The following SOX5 variants were observed in gnomAD, a reference collection of about 807,000 sequenced individuals.
SOX5 encodes SRY-box transcription factor 5.
Under a neutral mutation model 92.0 loss-of-function variants are expected in SOX5, and 9 were observed. The observed-to-expected ratio is 0.10, with a 90% CI of 0.06 to 0.17. SOX5 has a LOEUF of 0.17. Ranked by LOEUF, SOX5 falls within the 10% of genes least tolerant of loss-of-function variation. SOX5 has a pLI of 1.00. For synonymous variants in SOX5, 344 were observed against 336.3 expected (o/e 1.02, Z -0.25); for missense variants, 642 against 944.5 (o/e 0.68, Z 4.20).
intron 6 of SOX5, among the ~76,000 whole-genome samples, chr12:23,724,617 C>G (rs1202909850): frequency 6.6e-6 from 1 of 151,974 alleles, no homozygotes; most frequent in African/African-American, 2.4e-5. Flanking sequence ...ATTTATGTAC[C>G]TTAAACTGTT....
At chr12:24,198,139 G>A (rs1291391512) in intron 4 of SOX5, among the ~76,000 whole-genome samples, 1 of 151,898 alleles carries the variant, frequency 6.6e-6, no homozygotes, top group Non-Finnish European at 1.5e-5. Context: ...CCCATCCATC[G>A]TTCAAAACTA....
chr12:24,364,419 A>G (rs1195091276), intron 2 of SOX5, among the ~76,000 whole-genome samples: 4 of 151,188 alleles, frequency 2.6e-5, no homozygotes, highest in African/African-American at 7.3e-5. Context: ...AGAAAGGACT[A>G]CAAGAATGAC....
Position 24,440,496 on chromosome 12 carries a change from A to T in SOX5, c.-250-71857T>A, listed in dbSNP as rs184323361. ...TGGTTTCTTGCCTTCTTACCTTTGC[A>T]TGCTTAGGTCGGGTACCAGACTCTG... On this transcript the variant is annotated intron_variant, in intron 1 of 4. Coordinates refer to the SOX5 transcript ENST00000446891. 2.7e-3 allele frequency among the ~76,000 whole-genome samples: 403 copies of T among 151,848 alleles called. 15 individuals are homozygous for T. In the East Asian group the frequency reaches 0.074, roughly 28 times the overall value.
At chr12:23,975,340 CTT>C (rs201736273) in intron 4 of SOX5, among the ~76,000 whole-genome samples, 1 of 150,826 alleles carries the variant, frequency 6.6e-6, no homozygotes, top group African/African-American at 2.4e-5. Context: ...ATATGATATA[CTT>C]TTTTTAAAAA....
intron 4 of SOX5, among the ~76,000 whole-genome samples, chr12:24,096,529 C>T (rs1014489039): frequency 1.3e-5 from 2 of 152,078 alleles, no homozygotes; most frequent in African/African-American, 4.8e-5. Flanking sequence ...CTCTAGATAC[C>T]TTATATAAAT....
intron 10 of SOX5, among the ~76,000 whole-genome samples, chr12:23,571,305 T>C (rs1198499207): frequency 6.6e-6 from 1 of 152,148 alleles, no homozygotes; most frequent in Non-Finnish European, 1.5e-5. Context: ...CCCTTTGTTT[T>C]ACTGGGTCAA....
chr12:24,537,351 A>C (rs1951731575), intron 1 of SOX5, among the ~76,000 whole-genome samples: 1 of 152,182 alleles, frequency 6.6e-6, no homozygotes, highest in Non-Finnish European at 1.5e-5. Flanking sequence ...TGAGTATCTA[A>C]AATTTGAAGG....
At chr12:24,403,673 T>C (rs78003505) in intron 1 of SOX5, among the ~76,000 whole-genome samples, 8,998 of 152,316 alleles carry the variant, frequency 0.059, 387 homozygotes, top group Middle Eastern at 0.092. Context: ...CTTATTTACA[T>C]GGCCAACAGT....
chr12:23,836,572 C>T (rs1382964181), intron 3 of SOX5, among the ~76,000 whole-genome samples: 2 of 151,984 alleles, frequency 1.3e-5, no homozygotes, highest in Non-Finnish European at 2.9e-5. Context: ...CAGTGGCCTC[C>T]TTTTGTATGG....
chr12:24,243,811 T>C (rs1243061696), intron 3 of SOX5, among the ~76,000 whole-genome samples: 1 of 152,118 alleles, frequency 6.6e-6, no homozygotes. Context: ...CCAATACTAA[T>C]TCAATAAAGT....
chr12:23,807,172 T>C (rs994020874), intron 3 of SOX5, among the ~76,000 whole-genome samples: 2 of 152,238 alleles, frequency 1.3e-5, no homozygotes, highest in African/African-American at 4.8e-5. Flanking sequence ...GATTAATTCA[T>C]AGCAATCTAG....
chr12:23,871,050 A>G (rs1200149567), intron 2 of SOX5, among the ~76,000 whole-genome samples: 2 of 152,264 alleles, frequency 1.3e-5, no homozygotes, highest in East Asian at 3.9e-4. Flanking sequence ...TCTTTTTTAA[A>G]TTATAAAATA....
At chr12:24,337,345 T>TTC (rs1952026840) in intron 2 of SOX5, among the ~76,000 whole-genome samples, 1 of 151,744 alleles carries the variant, frequency 6.6e-6, no homozygotes, top group African/African-American at 2.4e-5. Flanking sequence ...TTTTTCTTTT[T>TTC]TTTTTTTTTA....
chr12:23,581,263 C>A (rs1406496352), intron 9 of SOX5, among the ~76,000 whole-genome samples: 1 of 152,030 alleles, frequency 6.6e-6, no homozygotes. Context: ...GTTTCTGTTT[C>A]TCTATTCTTA....
intron 2 of SOX5, among the ~76,000 whole-genome samples, chr12:24,320,924 T>C (rs898928352): frequency 5.3e-5 from 8 of 152,042 alleles, no homozygotes; most frequent in African/African-American, 1.9e-4. Flanking sequence ...ACACGATGTA[T>C]TAAGAAGTCG....
chr12:23,924,080 A>G (rs1939258139), intron 1 of SOX5, among the ~76,000 whole-genome samples: 1 of 152,222 alleles, frequency 6.6e-6, no homozygotes. Flanking sequence ...TGCCTAAAAA[A>G]GGCTTTGCAT....
At chr12:23,580,371 T>A (rs1022152456) in intron 9 of SOX5, among the ~76,000 whole-genome samples, 1 of 152,060 alleles carries the variant, frequency 6.6e-6, no homozygotes, top group Non-Finnish European at 1.5e-5. Flanking sequence ...AGATAATATA[T>A]GTGCAATAAA....
Position 23,734,671 on chromosome 12 carries a change from T to C in SOX5, c.810+13A>G. 6.3e-7 allele frequency: 1 copy of C among 1,592,124 alleles called. No individual in the cohort carries two copies. The highest frequency in any genetic ancestry group is 8.6e-7 in the Non-Finnish European group (1 of 1,162,396). ...TTTTAAATTGTAAGTATATTGAAAT[T>C]ATGATTTCTGACCTGGATCTGTTGC... is the stretch of plus-strand genomic sequence containing the variant. On this transcript the variant is annotated intron_variant, in intron 6 of 14. Transcript: ENST00000451604.
At chr12:24,470,372 A>G (rs1944677773) in intron 1 of SOX5, among the ~76,000 whole-genome samples, 1 of 152,240 alleles carries the variant, frequency 6.6e-6, no homozygotes, top group Non-Finnish European at 1.5e-5. Flanking sequence ...AGTAATGAGT[A>G]TAATCAAGAG....
Sources: gnomAD v4.1 joint callset for allele counts (sites outside exome capture counted in the v4.1 genomes callset) on GRCh38, gnomAD v4.1.1 for gene constraint, MANE v1.5 for transcripts, NCBI Gene and HGNC (gene_info 2026-07-23, HGNC 2026-07-21) for gene names.